Variants in BID observed in about 807,000 individuals in gnomAD.
The protein encoded by BID is BH3 interacting domain death agonist.
Under a neutral mutation model 17.4 loss-of-function variants are expected in BID, and 19 were observed. That is an observed-to-expected ratio of 1.09 (90% CI 0.76 to 1.60). The LOEUF (loss-of-function observed/expected upper bound fraction) is 1.60. BID is among the 40% of genes most tolerant of loss of function. The pLI, the probability that BID is intolerant of heterozygous loss-of-function variation, is 0.00. For missense variants in BID, 226 were observed against 256.0 expected (o/e 0.88, Z 0.80); for synonymous variants, 108 against 102.8 (o/e 1.05, Z -0.31).
At chr22:17,756,410 CTCTT>C (rs201125463) in intron 1 of BID, among the ~76,000 whole-genome samples, 28 of 40,516 alleles carry the variant, frequency 6.9e-4, no homozygotes, top group Non-Finnish European at 1.6e-3. Context: ...TTTCTTTTTT[CTCTT>C]TCTTTCTTTC....
chr22:17,755,023 A>G (rs973357899), intron 1 of BID, among the ~76,000 whole-genome samples: 1 of 151,670 alleles, frequency 6.6e-6, no homozygotes, highest in African/African-American at 2.4e-5. Flanking sequence ...TGGCCTCCCA[A>G]AATGCTGGGA....
At chr22:17,758,088 G>T (rs2061607420) in intron 1 of BID, among the ~76,000 whole-genome samples, 1 of 152,084 alleles carries the variant, frequency 6.6e-6, no homozygotes, top group African/African-American at 2.4e-5. Flanking sequence ...CTCCTGGGGG[G>T]TCCTTGAAGG....
intron 1 of BID, among the ~76,000 whole-genome samples, chr22:17,763,753 A>G (rs2061658942): frequency 6.6e-6 from 1 of 151,024 alleles, no homozygotes; most frequent in Non-Finnish European, 1.5e-5. Context: ...TAGAACCAAT[A>G]CAAGAGTATG....
At chr22:17,748,108 C>T (rs1399684161) in intron 2 of BID, among the ~76,000 whole-genome samples, 2 of 149,986 alleles carry the variant, frequency 1.3e-5, no homozygotes, top group African/African-American at 5.0e-5. Context: ...ACTCGAGAGG[C>T]TGAGGCAGGA....
chr22:17,743,977 T>C lies in BID; in HGVS notation c.49A>G (p.Thr17Ala), dbSNP rs747539715. The change falls in exon 3 of 6, where the codon ACA (threonine) becomes GCA (alanine). Residue 17 changes from threonine (T) to alanine (A), a missense_variant. Transcript: ENST00000622694. ...NGSSLRDECI[T>A]NLLVFGFLQS... ...AGGAAGCCAAACACCAGTAGGTTTGTGATGCACTCATCCCTGAGGCTGGAA... is the reference window on the plus strand; with the variant it reads ...AGGAAGCCAAACACCAGTAGGTTTGCGATGCACTCATCCCTGAGGCTGGAA... The C allele has an allele frequency of 1.2e-6, 2 of 1,613,930 alleles. No individual in the cohort carries two copies. The highest frequency in any genetic ancestry group is 1.7e-6 in the Non-Finnish European group (2 of 1,179,984).
At chr22:17,768,872 C>CAA (rs56172842) in intron 1 of BID, among the ~76,000 whole-genome samples, 26 of 73,690 alleles carry the variant, frequency 3.5e-4, no homozygotes, top group Non-Finnish European at 5.1e-4. Flanking sequence ...GACTCCGTCT[C>CAA]AAAAAAAAAA....
chr22:17,757,351 T>G (rs392140), intron 1 of BID, among the ~76,000 whole-genome samples: 1 of 142,872 alleles, frequency 7.0e-6, no homozygotes, highest in African/African-American at 2.7e-5. Flanking sequence ...TACAGCGAGC[T>G]GAGATCACGC....
At chr22:17,751,149 G>C (rs1394760940) in intron 1 of BID, among the ~76,000 whole-genome samples, 2 of 151,816 alleles carry the variant, frequency 1.3e-5, no homozygotes, top group East Asian at 3.9e-4. Context: ...GAGGCGGGTG[G>C]ATCATGAGGT....
intron 1 of BID, chr22:17,764,334 G>T (rs1344489365): frequency 6.5e-6 from 1 of 154,118 alleles, no homozygotes; most frequent in African/African-American, 2.4e-5. Flanking sequence ...ACAAATCTAG[G>T]GCCAAGGAGA....
rs1354779703 is a variant in BID, at chr22:17,738,002, C to T, written c.576+15G>A. ...GGCGGCAGGCAGGGAAGGAGCTGAC[C>T]TCAAGGGTTCTTACATTTCTGGCTA... On this transcript the variant is annotated intron_variant, in intron 5 of 5. Transcript: ENST00000622694. The T allele has an allele frequency of 6.2e-7, 1 of 1,613,576 alleles. No individual in the cohort carries two copies. Among genetic ancestry groups the T allele is most frequent in the Non-Finnish European group, 8.5e-7 (1 of 1,179,586 alleles).
Position 17,739,298 on chromosome 22 carries a change from G to A in BID, c.363+51C>T, listed in dbSNP as rs1240156565. 6.7e-6 allele frequency: 10 copies of A among 1,495,620 alleles called. No homozygotes were observed. In the South Asian group the frequency reaches 8.8e-5, roughly 13 times the overall value. 92.6% of individuals were successfully genotyped at this position (1,495,620 alleles called of 1,614,324 possible). A position where few individuals can be genotyped will look rare whatever the true frequency, so the allele number is the denominator to read the frequency against. On this transcript the variant is annotated intron_variant, in intron 4 of 5. Transcript: ENST00000622694. Reference sequence around the variant, plus strand: ...GCTGCCTGGTGAGAGGCAGGGGACAGGCCCCCTTGGCTCACTTGCCCGCCC... The same window carrying A: ...GCTGCCTGGTGAGAGGCAGGGGACAAGCCCCCTTGGCTCACTTGCCCGCCC...
At chr22:17,750,546 C>T (rs1308372076) in intron 1 of BID, among the ~76,000 whole-genome samples, 1 of 152,102 alleles carries the variant, frequency 6.6e-6, no homozygotes, top group Non-Finnish European at 1.5e-5. Flanking sequence ...TTAAATCTTC[C>T]GGCTGGACGC....
At chr22:17,746,409 G>C (rs748135420) in intron 2 of BID, among the ~76,000 whole-genome samples, 1 of 152,218 alleles carries the variant, frequency 6.6e-6, no homozygotes, top group Non-Finnish European at 1.5e-5. Context: ...TGTTTCTGAA[G>C]AGAGGAAAAA....
intron 1 of BID, among the ~76,000 whole-genome samples, chr22:17,751,284 A>G (rs1233829354): frequency 6.6e-6 from 1 of 151,614 alleles, no homozygotes; most frequent in Non-Finnish European, 1.5e-5. Flanking sequence ...AGGCAGGAGA[A>G]TGGCGTGAAC....
At chr22:17,759,494 G>A (rs1479195819) in intron 1 of BID, among the ~76,000 whole-genome samples, 3 of 152,018 alleles carry the variant, frequency 2.0e-5, no homozygotes. Flanking sequence ...GGAGGTTGCA[G>A]TGAGCCGAGA....
chr22:17,760,168 G>A (rs974435513), intron 1 of BID, among the ~76,000 whole-genome samples: 17 of 143,182 alleles, frequency 1.2e-4, no homozygotes, highest in African/African-American at 3.9e-4. Flanking sequence ...ATATCTGGCC[G>A]GGCACAATGA....
At chr22:17,767,595 C>T (rs2061688150) in intron 1 of BID, among the ~76,000 whole-genome samples, 1 of 152,156 alleles carries the variant, frequency 6.6e-6, no homozygotes, top group Non-Finnish European at 1.5e-5. Flanking sequence ...TCCAGATTCT[C>T]CGTATCTGAC....
intron 2 of BID, among the ~76,000 whole-genome samples, chr22:17,748,069 C>T (rs574597291): frequency 6.7e-6 from 1 of 149,578 alleles, no homozygotes; most frequent in African/African-American, 2.5e-5. Context: ...ATTAGCCGGG[C>T]GTGGTGGTGG....
Position 17,756,467 on chromosome 22 carries a change from C to CT in BID, c.-58-6294dup, listed in dbSNP as rs1419514242. On this transcript the variant is annotated intron_variant, in intron 1 of 5. Transcript: ENST00000622694. ...TCTTTCTTTCTTTCTTTCTTTCTTT[C>CT]TTTCTTTCTTTTCTTTCTTTCTTTC... Among the ~76,000 whole-genome samples the CT allele has an allele frequency of 2.3e-3, 242 of 107,010 alleles. 1 individual carries two copies. The highest frequency in any genetic ancestry group is 7.5e-3 in the African/African-American group (237 of 31,466). The allele number at this position is 107,010 out of a possible 152,430, so 70.2% of individuals were successfully genotyped here.
Sources: allele counts gnomAD v4.1 joint callset (sites outside exome capture counted in the v4.1 genomes callset), GRCh38; gene constraint gnomAD v4.1.1; transcripts MANE v1.5; gene names NCBI Gene and HGNC (gene_info 2026-07-23, HGNC 2026-07-21).